The following NBPF9 variants were observed in gnomAD, a reference collection of about 807,000 sequenced individuals.
NBPF9 encodes the protein NBPF member 9, also known as NBPF family member NBPF9.
In NBPF9, 91 loss-of-function variants were observed where a neutral mutation model predicts 97.8. The observed-to-expected ratio is 0.93, with a 90% CI of 0.79 to 1.11. The LOEUF (loss-of-function observed/expected upper bound fraction) is 1.11, where lower values mean the gene tolerates loss of function less well. Ranked by LOEUF, NBPF9 falls within the 50% of genes least tolerant of loss-of-function variation. NBPF9 has a pLI of 0.00. For synonymous variants in NBPF9, 334 were observed against 359.5 expected (o/e 0.93, Z 0.80); for missense variants, 992 against 939.5 (o/e 1.06, Z -0.73).
At chr1:149,094,141 G>T (rs2938048) in intron 4 of NBPF9, among the ~76,000 whole-genome samples, 1 of 152,068 alleles carries the variant, frequency 6.6e-6, no homozygotes, top group East Asian at 1.9e-4. Flanking sequence ...ATCTCCAAAA[G>T]AAAAGATAAA....
At chr1:149,079,761 A>G (rs1322037508) in intron 8 of NBPF9, among the ~76,000 whole-genome samples, 8 of 151,776 alleles carry the variant, frequency 5.3e-5, no homozygotes, top group African/African-American at 1.5e-4. Flanking sequence ...CATTTTGAGT[A>G]TACTGAATGC....
intron 7 of NBPF9, among the ~76,000 whole-genome samples, chr1:149,081,720 G>T (rs1236210071): frequency 1.5e-5 from 2 of 137,372 alleles, no homozygotes; most frequent in African/African-American, 5.6e-5. Flanking sequence ...CTGTGCCTGT[G>T]TTAGAAATCA....
intron 5 of NBPF9, among the ~76,000 whole-genome samples, chr1:149,089,611 C>A (rs2081284078): frequency 6.6e-6 from 1 of 152,296 alleles, no homozygotes; most frequent in Admixed American, 6.5e-5. Flanking sequence ...TATGGGGAAA[C>A]AAAAGGAGAA....
chr1:149,076,341 G>C (rs1404580891), intron 11 of NBPF9, among the ~76,000 whole-genome samples: 2 of 150,934 alleles, frequency 1.3e-5, no homozygotes, highest in East Asian at 3.9e-4. Flanking sequence ...GGGATTACAA[G>C]GGCCAAGTAA....
At chr1:149,076,148 T>A (rs1385760123) in intron 11 of NBPF9, among the ~76,000 whole-genome samples, 3 of 152,084 alleles carry the variant, frequency 2.0e-5, no homozygotes, top group African/African-American at 7.2e-5. Context: ...GAGTGGCCAA[T>A]GTTTCTGTGT....
At chr1:149,056,382 C>G in intron 29 of NBPF9, 130 bp downstream of exon 29, 1 of 224,974 alleles carries the variant, frequency 4.4e-6, no homozygotes, top group Non-Finnish European at 7.6e-6. Context: ...CAATGAAAAC[C>G]AACAGCAATG....
At chr1:149,052,369 T>C (rs2077962566), downstream of NBPF9, among the ~76,000 whole-genome samples, 1 of 151,320 alleles carries the variant, frequency 6.6e-6, no homozygotes, top group Non-Finnish European at 1.5e-5. Flanking sequence ...TAGTTACTTG[T>C]ACTTGTCACT....
rs587749097 is a variant in NBPF9 at position 149,062,077 on chromosome 1, A to C, written c.2251+16T>G. The C allele has an allele frequency of 4.1e-5, 41 of 1,009,908 alleles. No homozygotes were observed. The highest frequency in any genetic ancestry group is 6.0e-5 in the Non-Finnish European group (39 of 647,710). 62.6% of individuals were successfully genotyped at this position (1,009,908 alleles called of 1,614,324 possible). On this transcript the variant is annotated intron_variant, in intron 22 of 29. Transcript: ENST00000584027. ...GACCAGGTGGAGGCTTATCACCTTC[A>C]TAGTAAGGTACTCACTGTCCAAGTC...
At chr1:149,064,651 G>C (rs1185143109) in intron 18 of NBPF9, 169 bp from the exon 19 acceptor site, 1 of 616,846 alleles carries the variant, frequency 1.6e-6, no homozygotes, top group African/African-American at 1.9e-5. Flanking sequence ...GAGAAAACTG[G>C]CTTGGGTTCT....
intron 13 of NBPF9, 71 bp from the exon 14 acceptor site, chr1:149,073,003 G>C: frequency 6.5e-7 from 1 of 1,545,610 alleles, no homozygotes. Flanking sequence ...TTGCAACAGA[G>C]ATTTCTGAAA....
intron 4 of NBPF9, among the ~76,000 whole-genome samples, chr1:149,094,094 C>T (rs2081590111): frequency 2.6e-5 from 4 of 151,892 alleles, no homozygotes; most frequent in South Asian, 2.1e-4. Flanking sequence ...GAGATGGCGC[C>T]GTTGCATTCG....
intron 5 of NBPF9, among the ~76,000 whole-genome samples, chr1:149,082,952 CTTTTCTTT>C (rs1405111862): frequency 1.1e-3 from 65 of 60,992 alleles, no homozygotes; most frequent in African/African-American, 2.0e-3. Flanking sequence ...GCTAATTTTT[CTTTTCTTT>C]TTTTTTTTTT....
intron 18 of NBPF9, chr1:149,064,746 C>G: frequency 3.3e-6 from 2 of 613,872 alleles, no homozygotes; most frequent in Non-Finnish European, 5.7e-6. Context: ...CACAAATGCG[C>G]GATTTTTTTC....
At chr1:149,097,715 G>C (rs1419387099) in intron 4 of NBPF9, among the ~76,000 whole-genome samples, 1 of 152,042 alleles carries the variant, frequency 6.6e-6, no homozygotes, top group African/African-American at 2.4e-5. Flanking sequence ...GTAGTGACCT[G>C]AGATTTACTC....
chr1:149,056,591 T>C (rs1553649056), exon 29 of NBPF9: 1 of 110,550 alleles, frequency 9.0e-6, no homozygotes, highest in East Asian at 2.4e-4. Context: ...CTTCCCCTTC[T>C]TTTCTTCCCC....
chr1:149,056,662 C>T, intron 28 of NBPF9, 42 bp from the exon 29 acceptor site: 1 of 71,472 alleles, frequency 1.4e-5, no homozygotes, highest in Non-Finnish European at 2.2e-5. Context: ...TAAGCTGATT[C>T]CCCTACACAC....
chr1:149,057,704 GACACACACAC>G (rs879952249), intron 27 of NBPF9, among the ~76,000 whole-genome samples, 197 bp from the exon 28 acceptor site: 21 of 27,844 alleles, frequency 7.5e-4, no homozygotes, highest in Non-Finnish European at 8.4e-4. Flanking sequence ...AAGACAGATA[GACACACACAC>G]ACACACACAC....
intron 21 of NBPF9, 24 bp from the exon 22 acceptor site, chr1:149,062,289 G>A: frequency 1.5e-6 from 1 of 647,142 alleles, no homozygotes; most frequent in Non-Finnish European, 2.8e-6. Context: ...AAAAAGTAAA[G>A]AATAAGCCAG....
chr1:149,098,629 G>A (rs782265959), exon 4 of NBPF9: 171 of 1,119,496 alleles, frequency 1.5e-4, no homozygotes, highest in South Asian at 4.7e-4. Context: ...TCAGGAGGAC[G>A]GTAAGGGACG....
Sources: gnomAD v4.1 joint callset for allele counts (sites outside exome capture counted in the v4.1 genomes callset) on GRCh38, gnomAD v4.1.1 for gene constraint, MANE v1.5 for transcripts, NCBI Gene and HGNC (gene_info 2026-07-23, HGNC 2026-07-21) for gene names.